BABAM2: variants seen among roughly 807,000 people sequenced by gnomAD.
The protein encoded by BABAM2 is BRISC and BRCA1-A complex member 2.
Under a neutral mutation model 54.7 loss-of-function variants are expected in BABAM2, and 31 were observed. The observed-to-expected ratio is 0.57, with a 90% CI of 0.43 to 0.77. The LOEUF (loss-of-function observed/expected upper bound fraction) is 0.77. Ranked by LOEUF, BABAM2 falls within the 30% of genes least tolerant of loss-of-function variation. The pLI is 0.00. For synonymous variants in BABAM2, 167 were observed against 162.9 expected, an observed-to-expected ratio of 1.03 and a Z score of -0.19; for missense variants, 364 against 455.8, an observed-to-expected ratio of 0.80 and a Z score of 1.83.
chr2:28,065,362 C>T (rs1679228195), intron 6 of BABAM2, among the ~76,000 whole-genome samples: 2 of 152,224 alleles, frequency 1.3e-5, no homozygotes, highest in Admixed American at 6.5e-5. Context: ...CTCACAGGTA[C>T]TATGGCTAGC....
At chr2:28,291,210 C>T (rs921595095) in intron 10 of BABAM2, among the ~76,000 whole-genome samples, 3 of 152,188 alleles carry the variant, frequency 2.0e-5, no homozygotes. Flanking sequence ...ACCTCAAGGG[C>T]ATACCATGCT....
chr2:28,252,846 G>T (rs1198898708), intron 10 of BABAM2, among the ~76,000 whole-genome samples: 1 of 152,170 alleles, frequency 6.6e-6, no homozygotes, highest in Non-Finnish European at 1.5e-5. Flanking sequence ...ATCAAAGAAA[G>T]GTCTTGAAAA....
At chr2:27,893,992 C>CA (rs778759632) in intron 1 of BABAM2, among the ~76,000 whole-genome samples, 8,171 of 39,462 alleles carry the variant, frequency 0.21, 733 homozygotes, top group African/African-American at 0.3. Context: ...GACTCTGTCG[C>CA]AAAAAAAAAA....
At chr2:28,168,657 C>A (rs1673982885) in intron 7 of BABAM2, among the ~76,000 whole-genome samples, 1 of 152,174 alleles carries the variant, frequency 6.6e-6, no homozygotes, top group African/African-American at 2.4e-5. Flanking sequence ...CTTAGAGGGC[C>A]AAAAGCTTCA....
intron 6 of BABAM2, among the ~76,000 whole-genome samples, chr2:28,105,997 T>A (rs953100577): frequency 1.6e-4 from 24 of 151,874 alleles, no homozygotes; most frequent in Non-Finnish European, 1.8e-4. Flanking sequence ...TTTCAAACGA[T>A]CTCAAATTTA....
chr2:28,157,083 T>G (rs1039713247), intron 7 of BABAM2, among the ~76,000 whole-genome samples: 2 of 152,238 alleles, frequency 1.3e-5, no homozygotes, highest in Non-Finnish European at 2.9e-5. Flanking sequence ...ACTTTTTTCC[T>G]TATGAAAATA....
At chr2:28,319,977 C>T (rs1297281134) in intron 11 of BABAM2, among the ~76,000 whole-genome samples, 1 of 152,180 alleles carries the variant, frequency 6.6e-6, no homozygotes, top group African/African-American at 2.4e-5. Context: ...GACACCCACC[C>T]TCGGCAGGGA....
chr2:28,003,116 C>T (rs1042263956), intron 4 of BABAM2, among the ~76,000 whole-genome samples: 1 of 152,070 alleles, frequency 6.6e-6, no homozygotes, highest in African/African-American at 2.4e-5. Flanking sequence ...TATGTGACTT[C>T]TTGGTGTTTA....
intron 2 of BABAM2, among the ~76,000 whole-genome samples, chr2:27,912,411 C>T (rs1302478724): frequency 7.2e-5 from 11 of 152,022 alleles, no homozygotes; most frequent in Admixed American, 7.2e-4. Context: ...CATGTTTTTG[C>T]ATCATAAAAG....
chr2:27,938,070 T>G (rs933807541), intron 3 of BABAM2, among the ~76,000 whole-genome samples: 1 of 152,184 alleles, frequency 6.6e-6, no homozygotes, highest in Admixed American at 6.5e-5. Context: ...CTGTCCTTTC[T>G]CCAATGTGTG....
At chr2:28,062,417 G>A (rs568328225) in intron 6 of BABAM2, among the ~76,000 whole-genome samples, 1 of 151,732 alleles carries the variant, frequency 6.6e-6, no homozygotes, top group Non-Finnish European at 1.5e-5. Context: ...CAAAAAATTA[G>A]CCTGGTGTGG....
At chr2:28,016,510 G>A in intron 4 of BABAM2, 4 of 902,912 alleles carry the variant, frequency 4.4e-6, no homozygotes, top group East Asian at 2.6e-5. Flanking sequence ...ACAGTCGCAC[G>A]CCGAGGGAAA....
chr2:27,967,302 C>G (rs944375751), intron 3 of BABAM2, among the ~76,000 whole-genome samples: 10 of 152,166 alleles, frequency 6.6e-5, no homozygotes, highest in Non-Finnish European at 1.0e-4. Context: ...CTGAATAAGT[C>G]TCATGAGATC....
At chr2:28,327,983 G>A (rs1263211358) in intron 11 of BABAM2, among the ~76,000 whole-genome samples, 1 of 152,112 alleles carries the variant, frequency 6.6e-6, no homozygotes, top group African/African-American at 2.4e-5. Flanking sequence ...CCATCGCCCG[G>A]GGCATAATTA....
intron 7 of BABAM2, among the ~76,000 whole-genome samples, chr2:28,189,691 A>G (rs6710247): frequency 0.099 from 15,128 of 152,222 alleles, 795 homozygotes; most frequent in Admixed American, 0.11. Flanking sequence ...TAAGATGTCA[A>G]TTCTTCCCAG....
Position 28,338,514 on chromosome 2 carries a change from G to A in BABAM2, c.*1G>A, listed in dbSNP as rs748334840. 7 of 1,614,058 alleles carry A rather than the reference G, an allele frequency of 4.3e-6. No individual in the cohort carries two copies. The highest frequency in any genetic ancestry group is 5.9e-6 in the Non-Finnish European group (7 of 1,179,940). ...AGCATTTGCCAATGGAAAGCTCTAG[G>A]AAACACCAGTCTTGAGAGGTGGCCA... On this transcript the variant is annotated 3_prime_UTR_variant, in exon 12 of 12. Coordinates refer to ENST00000379624, the MANE Select transcript of BABAM2 (RefSeq NM_199191.3).
rs919577959 is a variant in BABAM2, at chr2:27,967,702, A to G, written c.206-20291A>G. ...GACTTGTTGAATGGCTTTGACCAAA[A>G]TGCTCATAATGATATGGACAATAAA... is the stretch of plus-strand genomic sequence containing the variant. On this transcript the variant is annotated intron_variant, in intron 3 of 11. Coordinates refer to ENST00000379624, the MANE Select transcript of BABAM2 (RefSeq NM_199191.3). Among the ~76,000 whole-genome samples the G allele has an allele frequency of 2.6e-5, 4 of 152,154 alleles. No homozygotes were observed. The East Asian group carries it at 7.7e-4, about 29-fold the overall frequency.
chr2:27,953,019 C>T (rs1669846615), intron 3 of BABAM2, among the ~76,000 whole-genome samples: 1 of 151,996 alleles, frequency 6.6e-6, no homozygotes, highest in Non-Finnish European at 1.5e-5. Context: ...ACCCTTCACA[C>T]TTCTCTCTCT....
chr2:28,242,146 G>A (rs1371418159), intron 9 of BABAM2, among the ~76,000 whole-genome samples: 1 of 152,158 alleles, frequency 6.6e-6, no homozygotes, highest in Non-Finnish European at 1.5e-5. Context: ...AAGAAGTGGA[G>A]CCAGGGCAGG....
Sources: gnomAD v4.1 joint callset for allele counts (sites outside exome capture counted in the v4.1 genomes callset) on GRCh38, gnomAD v4.1.1 for gene constraint, MANE v1.5 for transcripts, NCBI Gene and HGNC (gene_info 2026-07-23, HGNC 2026-07-21) for gene names.